The following FBXO25 variants were observed in gnomAD, a reference collection of about 807,000 sequenced individuals.
The protein encoded by FBXO25 is F-box protein 25.
A neutral mutation model predicts 51.9 loss-of-function variants in FBXO25; 45 were observed. The ratio of observed to expected loss-of-function variants is 0.87; its 90% CI spans 0.68 to 1.11. The LOEUF (loss-of-function observed/expected upper bound fraction) is 1.11, where lower values mean the gene tolerates loss of function less well. Among genes scored for constraint, FBXO25 ranks in the 50% most tolerant of loss-of-function variants. FBXO25 has a pLI of 0.00. For synonymous variants in FBXO25, 199 were observed against 151.0 expected, an observed-to-expected ratio of 1.32 and a Z score of -2.33; for missense variants, 507 against 428.5, an observed-to-expected ratio of 1.18 and a Z score of -1.62.
chr8:437,685 C>G (rs1483233906), intron 5 of FBXO25, among the ~76,000 whole-genome samples: 1 of 152,174 alleles, frequency 6.6e-6, no homozygotes, highest in African/African-American at 2.4e-5. Context: ...AATTCTTAAC[C>G]TCCCTGGCCC....
rs530695998 is a variant in FBXO25 at position 454,688 on chromosome 8, G to C, written c.660+3235G>C. Reference sequence around the variant, plus strand: ...GGGCAGATCACAAGGTCAAGAGATAGAGACCATGCTGGCTAACACGGTGAA... The same window carrying C: ...GGGCAGATCACAAGGTCAAGAGATACAGACCATGCTGGCTAACACGGTGAA... On this transcript the variant is annotated intron_variant, in intron 7 of 9. Coordinates refer to ENST00000350302, the MANE Select transcript of FBXO25 (RefSeq NM_183420.2). Among the ~76,000 whole-genome samples the C allele has an allele frequency of 2.6e-5, 4 of 152,228 alleles. No individual in the cohort carries two copies. In the South Asian group the frequency reaches 8.3e-4, roughly 32 times the overall value.
intron 7 of FBXO25, among the ~76,000 whole-genome samples, chr8:451,782 A>G (rs1799116806): frequency 6.6e-6 from 1 of 152,124 alleles, no homozygotes; most frequent in African/African-American, 2.4e-5. Context: ...GTTGCCAGTA[A>G]TTCTCTATTT....
At chr8:432,277 G>T (rs1419114067) in intron 3 of FBXO25, among the ~76,000 whole-genome samples, 1 of 152,110 alleles carries the variant, frequency 6.6e-6, no homozygotes, top group Admixed American at 6.5e-5. Context: ...TGCATCCCAG[G>T]CAGGACAGAG....
rs991975426 is a variant in FBXO25 at position 471,435 on chromosome 8, G to A, written c.*2631G>A. 2 of 152,082 alleles carry A rather than the reference G, an allele frequency of 1.3e-5. No homozygotes were observed. The highest frequency in any genetic ancestry group is 4.8e-5 in the African/African-American group (2 of 41,386). The allele number at this position is 152,082 out of a possible 1,614,324, so 9.4% of individuals were successfully genotyped here. On this transcript the variant is annotated 3_prime_UTR_variant, in exon 10 of 10. Coordinates refer to ENST00000350302, the MANE Select transcript of FBXO25 (RefSeq NM_183420.2). ...TTTTTGAATACAGTTTCTATCAGGG[G>A]GCCTTCCAAAAGTAGGGATGCCACT... is the stretch of plus-strand genomic sequence containing the variant.
chr8:423,060 T>A (rs996805300), intron 2 of FBXO25, among the ~76,000 whole-genome samples: 5 of 152,232 alleles, frequency 3.3e-5, no homozygotes, highest in African/African-American at 1.2e-4. Context: ...GTCCAGTTAC[T>A]GCAGCAGCAC....
Position 470,625 on chromosome 8 carries a change from C to G in FBXO25, c.*1821C>G, listed in dbSNP as rs936894732. On this transcript the variant is annotated 3_prime_UTR_variant, in exon 10 of 10. Coordinates refer to ENST00000350302, the MANE Select transcript of FBXO25 (RefSeq NM_183420.2). Reference sequence around the variant, plus strand: ...CAGGAGTTTGAGCTCAAGCAATCCACCTGCCTCAGCTTCCCAAAGTGCTGG... The same window carrying G: ...CAGGAGTTTGAGCTCAAGCAATCCAGCTGCCTCAGCTTCCCAAAGTGCTGG... The G allele has an allele frequency of 6.6e-6, 1 of 152,240 alleles. No homozygotes were observed. The highest frequency in any genetic ancestry group is 6.5e-5 in the Admixed American group (1 of 15,282). 9.4% of individuals were successfully genotyped at this position (152,240 alleles called of 1,614,324 possible). A position where few individuals can be genotyped will look rare whatever the true frequency, so the allele number is the denominator to read the frequency against.
chr8:468,913 C>CG lies in FBXO25; in HGVS notation c.*109_*110insG. The stretch of plus-strand genomic sequence containing the variant: ...GAGACTCCTCGGAAGCCCCTGCTTC[C>CG]AGAAAGCCTGGGAAGAACTGCCCTT... On this transcript the variant is annotated 3_prime_UTR_variant, in exon 10 of 10. Transcript: ENST00000350302. The CG allele has an allele frequency of 8.8e-6, 9 of 1,028,034 alleles. No individual in the cohort carries two copies. Among genetic ancestry groups the CG allele is most frequent in the South Asian group, 1.7e-5 (1 of 57,330 alleles). 63.7% of individuals were successfully genotyped at this position (1,028,034 alleles called of 1,614,324 possible).
intron 2 of FBXO25, among the ~76,000 whole-genome samples, chr8:415,538 A>G (rs945392128): frequency 4.6e-5 from 7 of 152,212 alleles, no homozygotes; most frequent in Admixed American, 4.6e-4. Context: ...TCCAGATTGA[A>G]GAGAGGACAG....
At chr8:428,943 T>C (rs1446001828) in intron 2 of FBXO25, among the ~76,000 whole-genome samples, 1 of 152,238 alleles carries the variant, frequency 6.6e-6, no homozygotes, top group Non-Finnish European at 1.5e-5. Context: ...ATTCATCCAC[T>C]GATGGACATG....
In FBXO25 at chr8:439,760, C is replaced by T. The variant is rs1282629831; in HGVS notation, c.381+4053C>T. Among the ~76,000 whole-genome samples the T allele has an allele frequency of 3.9e-5, 6 of 152,254 alleles. No individual in the cohort carries two copies. The East Asian group carries it at 1.2e-3, about 29-fold the overall frequency. ...GATGGACTCCTGCTTCTCAGTATCC[C>T]AAGGATCTCTTAAATGTGGAAAGGT... On this transcript the variant is annotated intron_variant, in intron 5 of 9. Coordinates refer to ENST00000350302, the MANE Select transcript of FBXO25 (RefSeq NM_183420.2).
intron 2 of FBXO25, 23 bp downstream of exon 2, chr8:413,236 C>G (rs1352549960): frequency 6.5e-7 from 1 of 1,544,800 alleles, no homozygotes; most frequent in Non-Finnish European, 8.7e-7. Flanking sequence ...TGAGCAGAAC[C>G]ATGCCATTTG....
At chr8:439,398 C>A (rs1798291580) in intron 5 of FBXO25, among the ~76,000 whole-genome samples, 1 of 152,124 alleles carries the variant, frequency 6.6e-6, no homozygotes, top group South Asian at 2.1e-4. Context: ...TGCTCTGTTT[C>A]CTAAAGTACA....
chr8:413,981 G>C (rs1796645439), intron 2 of FBXO25, among the ~76,000 whole-genome samples: 2 of 152,160 alleles, frequency 1.3e-5, no homozygotes, highest in Admixed American at 6.5e-5. Context: ...AAGGTCTTGA[G>C]ATAGCCTCCT....
At chr8:413,664 A>G (rs1796623231) in intron 2 of FBXO25, among the ~76,000 whole-genome samples, 1 of 152,170 alleles carries the variant, frequency 6.6e-6, no homozygotes. Context: ...TGCCATCCCA[A>G]GAGTGCAGCC....
At chr8:435,514 G>C (rs1798049732) in intron 4 of FBXO25, 101 bp from the exon 5 acceptor site, 1 of 1,172,818 alleles carries the variant, frequency 8.5e-7, no homozygotes, top group Admixed American at 2.9e-5. Flanking sequence ...AAAACAAATT[G>C]TCCTTTGCCA....
Position 476,771 on chromosome 8 carries a change from T to C in FBXO25, c.*7967T>C, listed in dbSNP as rs1007940575. 6.6e-6 allele frequency: 1 copy of C among 152,150 alleles called. No homozygotes were observed. Among genetic ancestry groups the C allele is most frequent in the African/African-American group, 2.4e-5 (1 of 41,454 alleles). 9.4% of individuals were successfully genotyped at this position (152,150 alleles called of 1,614,324 possible). On this transcript the variant is annotated 3_prime_UTR_variant, in exon 10 of 10. Coordinates refer to ENST00000350302, the MANE Select transcript of FBXO25 (RefSeq NM_183420.2). ...ACTCTTGGTTTCATTTATTTTTCTCTATTGCTTTTCTGTTCTCTATTTTGT... is the reference window on the plus strand; with the variant it reads ...ACTCTTGGTTTCATTTATTTTTCTCCATTGCTTTTCTGTTCTCTATTTTGT...
chr8:453,784 G>T (rs1045616671), intron 7 of FBXO25, among the ~76,000 whole-genome samples: 1 of 152,168 alleles, frequency 6.6e-6, no homozygotes, highest in African/African-American at 2.4e-5. Context: ...TCTCCAGTGA[G>T]CTGACAGTTG....
chr8:463,529 A>G (rs1799952951), intron 9 of FBXO25, among the ~76,000 whole-genome samples: 1 of 152,138 alleles, frequency 6.6e-6, no homozygotes. Flanking sequence ...TCGTTTCCCC[A>G]GACTTAGCCC....
chr8:445,884 A>G (rs1798708453), intron 5 of FBXO25, among the ~76,000 whole-genome samples: 2 of 152,208 alleles, frequency 1.3e-5, no homozygotes, highest in African/African-American at 4.8e-5. Context: ...AAAACAAAAC[A>G]AAAAAACAGT....
Sources: allele counts gnomAD v4.1 joint callset (sites outside exome capture counted in the v4.1 genomes callset), GRCh38; gene constraint gnomAD v4.1.1; transcripts MANE v1.5; gene names NCBI Gene and HGNC (gene_info 2026-07-23, HGNC 2026-07-21).